CACUL1: variants seen among roughly 807,000 people sequenced by gnomAD.
CACUL1 encodes the protein CDK2-associated and cullin domain-containing protein 1.
Under a neutral mutation model 45.2 loss-of-function variants are expected in CACUL1, and 13 were observed. That is an observed-to-expected ratio of 0.29 (90% CI 0.19 to 0.46). The LOEUF is 0.46. Ranked by LOEUF, CACUL1 falls within the 20% of genes least tolerant of loss-of-function variation. The probability of loss-of-function intolerance (pLI) is 1.00; values close to 1 mark genes in which losing one functional copy is unlikely to be tolerated. For synonymous variants in CACUL1, 197 were observed against 174.2 expected (o/e 1.13, Z -1.03); for missense variants, 421 against 471.4 (o/e 0.89, Z 0.99).
chr10:118,713,784 C>G (rs1412073148), intron 3 of CACUL1, among the ~76,000 whole-genome samples: 1 of 152,128 alleles, frequency 6.6e-6, no homozygotes, highest in East Asian at 1.9e-4. Context: ...AAGGTATAAT[C>G]ACACATACCT....
rs567696440 is a variant in CACUL1 at position 118,700,817 on chromosome 10, T to C, written c.796+489A>G. Among the ~76,000 whole-genome samples, 18 of 152,032 alleles carry C rather than the reference T, an allele frequency of 1.2e-4. 1 individual carries two copies. The South Asian group carries it at 3.7e-3, about 32-fold the overall frequency. ...CATGAAATATTTTACAAATCCTAAT[T>C]CACAGGAGAGAAAACTCAGGGCCAC... On this transcript the variant is annotated intron_variant, in intron 5 of 8. Coordinates refer to ENST00000369151, the MANE Select transcript of CACUL1 (RefSeq NM_153810.5).
intron 3 of CACUL1, among the ~76,000 whole-genome samples, chr10:118,708,241 T>C (rs773517702): frequency 5.3e-5 from 8 of 151,704 alleles, no homozygotes; most frequent in Non-Finnish European, 1.2e-4. Flanking sequence ...AACCAAACTA[T>C]ATTTGAACCT....
Position 118,701,322 on chromosome 10 carries a change from G to A in CACUL1, c.780C>T (p.His260=), listed in dbSNP as rs938238946. The A allele has an allele frequency of 6.4e-7, 1 of 1,562,998 alleles. No individual in the cohort carries two copies. The highest frequency in any genetic ancestry group is 8.8e-7 in the Non-Finnish European group (1 of 1,142,588). ...ATTACTTACGCATTAGGCTGTAAAT[G>A]TGCTTTTCTGCAACATGTTCCGTAA... The part of the protein sequence containing the change: ...KLFTEHVAEK[H]IYSLMPLLLE... The change falls in exon 5 of 9, where the codon CAC becomes CAT. Residue 260 remains histidine (H), a synonymous_variant. Transcript: ENST00000369151.
intron 1 of CACUL1, among the ~76,000 whole-genome samples, chr10:118,752,327 T>G (rs1009481423): frequency 3.9e-5 from 6 of 152,210 alleles, no homozygotes; most frequent in African/African-American, 1.4e-4. Context: ...CTAGTTATCT[T>G]GTACTCCTAG....
At chr10:118,704,452 G>C (rs192039844) in intron 4 of CACUL1, among the ~76,000 whole-genome samples, 1 of 152,270 alleles carries the variant, frequency 6.6e-6, no homozygotes, top group Admixed American at 6.5e-5. Context: ...TAGGCAGACA[G>C]GGGTGGTTCT....
intron 3 of CACUL1, among the ~76,000 whole-genome samples, chr10:118,712,220 C>T (rs1246070181): frequency 6.6e-6 from 1 of 152,216 alleles, no homozygotes; most frequent in Non-Finnish European, 1.5e-5. Flanking sequence ...GCTCATTTTG[C>T]CCACTCGACC....
chr10:118,699,069 G>A (rs1044205703), intron 5 of CACUL1, among the ~76,000 whole-genome samples: 5 of 152,154 alleles, frequency 3.3e-5, no homozygotes, highest in Non-Finnish European at 7.4e-5. Flanking sequence ...ATCTTATAGG[G>A]TTAGGAGAAT....
Position 118,750,311 on chromosome 10 carries a change from C to T in CACUL1, c.367+4085G>A, listed in dbSNP as rs553361185. On this transcript the variant is annotated intron_variant, in intron 1 of 8. Coordinates refer to ENST00000369151, the MANE Select transcript of CACUL1 (RefSeq NM_153810.5). Reference sequence around the variant, plus strand: ...ACGGCACTCCAGCCTGGCGACAGAGCGAGACTGTCTCAAAAAAAAAAAAGG... The same window carrying T: ...ACGGCACTCCAGCCTGGCGACAGAGTGAGACTGTCTCAAAAAAAAAAAAGG... Among the ~76,000 whole-genome samples the T allele has an allele frequency of 4.0e-5, 6 of 150,344 alleles. 1 individual carries two copies. In the South Asian group the frequency reaches 1.1e-3, roughly 26 times the overall value.
At position 118,684,132 on chromosome 10, in the gene CACUL1, C is replaced by T. The variant is rs1845182704; in HGVS notation, c.*1996G>A. Reference sequence around the variant, plus strand: ...GCAAAAGCATCCAAAGATTTTAATGCCAATTCACATTATACTGTGATGCTT... The same window carrying T: ...GCAAAAGCATCCAAAGATTTTAATGTCAATTCACATTATACTGTGATGCTT... On this transcript the variant is annotated 3_prime_UTR_variant, in exon 9 of 9. Coordinates refer to ENST00000369151, the MANE Select transcript of CACUL1 (RefSeq NM_153810.5). 5.2e-5 allele frequency: 8 copies of T among 152,558 alleles called. No individual in the cohort carries two copies. The highest frequency in any genetic ancestry group is 6.5e-5 in the Admixed American group (1 of 15,274). 9.5% of individuals were successfully genotyped at this position (152,558 alleles called of 1,614,324 possible).
At chr10:118,726,070 C>T (rs1845649163) in intron 3 of CACUL1, among the ~76,000 whole-genome samples, 1 of 152,084 alleles carries the variant, frequency 6.6e-6, no homozygotes, top group African/African-American at 2.4e-5. Flanking sequence ...ACTCCTCCCA[C>T]GCTCTTATTT....
chr10:118,690,035 T>C (rs1424499196), intron 7 of CACUL1, among the ~76,000 whole-genome samples: 1 of 152,260 alleles, frequency 6.6e-6, no homozygotes, highest in Non-Finnish European at 1.5e-5. Flanking sequence ...CCGGGTGCAG[T>C]GGCTTACACC....
At position 118,678,725 on chromosome 10, in the gene CACUL1, C is replaced by T. The variant is rs1482830246; in HGVS notation, c.*7403G>A. On this transcript the variant is annotated 3_prime_UTR_variant, in exon 9 of 9. Transcript: ENST00000369151. The stretch of plus-strand genomic sequence containing the variant: ...TACATTAAAAAGCCAATCTTGTATT[C>T]CTGAGACCAATCCATTTTGGTCATC... 6.6e-6 allele frequency: 1 copy of T among 152,016 alleles called. No individual in the cohort carries two copies. The highest frequency in any genetic ancestry group is 1.5e-5 in the Non-Finnish European group (1 of 68,026). 9.4% of individuals were successfully genotyped at this position (152,016 alleles called of 1,614,324 possible). A position where few individuals can be genotyped will look rare whatever the true frequency, so the allele number is the denominator to read the frequency against.
In CACUL1 at chr10:118,683,234, TACTAG is replaced by T. The variant is rs1845171207; in HGVS notation, c.*2889_*2893del. The T allele has an allele frequency of 6.6e-6, 1 of 152,096 alleles. No individual in the cohort carries two copies. The highest frequency in any genetic ancestry group is 6.5e-5 in the Admixed American group (1 of 15,268). 9.4% of individuals were successfully genotyped at this position (152,096 alleles called of 1,614,324 possible). On this transcript the variant is annotated 3_prime_UTR_variant, in exon 9 of 9. Coordinates refer to ENST00000369151, the MANE Select transcript of CACUL1 (RefSeq NM_153810.5). ...GAGCCAGTTTCAGGCTGCACATACA[TACTAG>T]ACAGTTGAAGCAAATCAGCCATTGA...
Position 118,754,784 on chromosome 10 carries a change from C to T in CACUL1, c.-22G>A, listed in dbSNP as rs1403910513. ...CCATCCTGCTGGCCCCCGGCACCCG[C>T]CCGCCTCACAGGCACCTGCCGCCTG... is the stretch of plus-strand genomic sequence containing the variant. On this transcript the variant is annotated 5_prime_UTR_variant, in exon 1 of 9. Transcript: ENST00000369151. 1 of 1,534,724 alleles carries T rather than the reference C, an allele frequency of 6.5e-7. No homozygotes were observed. Among genetic ancestry groups the T allele is most frequent in the Admixed American group, 2.1e-5 (1 of 47,136 alleles).
intron 6 of CACUL1, among the ~76,000 whole-genome samples, chr10:118,691,805 T>C (rs1252566044): frequency 2.1e-5 from 3 of 139,870 alleles, no homozygotes; most frequent in African/African-American, 8.4e-5. Context: ...AGGCGGAGCT[T>C]GCAGTGAGCC....
chr10:118,730,432 A>G (rs771776220), intron 1 of CACUL1, 22 bp from the exon 2 acceptor site: 9 of 1,585,268 alleles, frequency 5.7e-6, no homozygotes, highest in Non-Finnish European at 7.7e-6. Flanking sequence ...AAGTAAAATA[A>G]ATATTACTAC....
Position 118,705,213 on chromosome 10 carries a change from T to C in CACUL1, c.693+2279A>G, listed in dbSNP as rs536775953. Among the ~76,000 whole-genome samples the C allele has an allele frequency of 3.9e-5, 6 of 152,360 alleles. No homozygotes were observed. The East Asian group carries it at 1.2e-3, about 29-fold the overall frequency. On this transcript the variant is annotated intron_variant, in intron 4 of 8. Coordinates refer to ENST00000369151, the MANE Select transcript of CACUL1 (RefSeq NM_153810.5). ...TTCCCCTTTTTAAATTAATAAAAAC[T>C]TCAAGCTATTTTCACAACTGAAATT...
intron 1 of CACUL1, among the ~76,000 whole-genome samples, chr10:118,743,948 G>C (rs1245120674): frequency 6.6e-6 from 1 of 151,892 alleles, no homozygotes; most frequent in African/African-American, 2.4e-5. Context: ...GTTCTAAAGA[G>C]GGAAGAAAAA....
intron 3 of CACUL1, among the ~76,000 whole-genome samples, chr10:118,720,447 T>C (rs568645581): frequency 1.4e-4 from 21 of 152,100 alleles, no homozygotes; most frequent in Non-Finnish European, 2.9e-4. Flanking sequence ...ACCTTTTTCC[T>C]TTTCTTTTCT....
Sources: gnomAD v4.1 joint callset for allele counts (sites outside exome capture counted in the v4.1 genomes callset) on GRCh38, gnomAD v4.1.1 for gene constraint, MANE v1.5 for transcripts, NCBI Gene and HGNC (gene_info 2026-07-23, HGNC 2026-07-21) for gene names.